The following WDR7 variants were observed in gnomAD, a reference collection of about 807,000 sequenced individuals.
WDR7 encodes the protein WD repeat domain 7, also known as WD repeat-containing protein 7.
WDR7 carries 46 observed loss-of-function variants against 169.4 expected under a neutral mutation model. The ratio of observed to expected loss-of-function variants is 0.27; its 90% confidence interval spans 0.21 to 0.35. WDR7 has a LOEUF of 0.35. WDR7 is among the 10% of genes least tolerant of loss of function. WDR7 has a pLI of 1.00. For synonymous variants in WDR7, 612 were observed against 666.8 expected (o/e 0.92, Z 1.27); for missense variants, 1,534 against 1,859.3 (o/e 0.83, Z 3.22).
intron 14 of WDR7, among the ~76,000 whole-genome samples, chr18:56,731,910 T>C (rs758265936): frequency 2.6e-5 from 4 of 152,224 alleles, no homozygotes; most frequent in Non-Finnish European, 5.9e-5. Context: ...TGTTGAAAGA[T>C]TGAGCACTAG....
chr18:56,967,939 A>T (rs1223713130), intron 26 of WDR7, among the ~76,000 whole-genome samples: 2 of 152,244 alleles, frequency 1.3e-5, no homozygotes, highest in Admixed American at 1.3e-4. Context: ...AAGTCTATAC[A>T]CATTAAATGC....
At chr18:57,033,602 GT>G (rs988771959), downstream of WDR7, 10 of 152,112 alleles carry the variant, frequency 6.6e-5, no homozygotes, top group African/African-American at 2.2e-4. Flanking sequence ...TTAAAAATAA[GT>G]TGTGTGTTCT....
chr18:56,977,978 TCA>T (rs1199665959), intron 26 of WDR7, among the ~76,000 whole-genome samples: 2 of 151,968 alleles, frequency 1.3e-5, no homozygotes, highest in African/African-American at 2.4e-5. Flanking sequence ...CAGCAGTAAC[TCA>T]CACAGATTTA....
chr18:56,989,494 A>G lies in WDR7; in HGVS notation c.4164+26965A>G, dbSNP rs921505998. ...GAGATTTAAAATTCTTCTTAGTACAACTTCTACTCTAATTTGTATGCAATT... is the reference window on the plus strand; with the variant it reads ...GAGATTTAAAATTCTTCTTAGTACAGCTTCTACTCTAATTTGTATGCAATT... On this transcript the variant is annotated intron_variant, in intron 26 of 27. Coordinates refer to ENST00000254442, the MANE Select transcript of WDR7 (RefSeq NM_015285.3). Among the ~76,000 whole-genome samples the G allele has an allele frequency of 4.6e-5, 7 of 152,202 alleles. 1 individual carries two copies. The highest frequency in any genetic ancestry group is 4.6e-4 in the Admixed American group (7 of 15,288).
intron 1 of WDR7, among the ~76,000 whole-genome samples, chr18:56,658,216 G>A (rs1217491903): frequency 6.6e-6 from 1 of 152,088 alleles, no homozygotes; most frequent in Non-Finnish European, 1.5e-5. Flanking sequence ...CAATTTTTCT[G>A]CCTCAGCCTC....
intron 21 of WDR7, among the ~76,000 whole-genome samples, chr18:56,895,117 T>C (rs1159955113): frequency 1.3e-5 from 2 of 151,944 alleles, no homozygotes; most frequent in Non-Finnish European, 2.9e-5. Context: ...TGGTATTATT[T>C]AGCATGGACA....
intron 20 of WDR7, among the ~76,000 whole-genome samples, chr18:56,833,026 ATAACAAACTC>A (rs1198983446): frequency 4.6e-5 from 7 of 152,084 alleles, no homozygotes; most frequent in Non-Finnish European, 8.8e-5. Flanking sequence ...AAGGTGGGTA[ATAACAAACTC>A]CTTGAACCTA....
At chr18:56,927,990 A>G (rs1304293483) in intron 22 of WDR7, among the ~76,000 whole-genome samples, 1 of 152,208 alleles carries the variant, frequency 6.6e-6, no homozygotes, top group Non-Finnish European at 1.5e-5. Flanking sequence ...GAGGGGTTTC[A>G]TTTGGATCTG....
intron 12 of WDR7, among the ~76,000 whole-genome samples, chr18:56,700,546 C>T (rs547193921): frequency 2.2e-5 from 3 of 138,434 alleles, no homozygotes; most frequent in Non-Finnish European, 4.6e-5. Flanking sequence ...TGAGCCACTG[C>T]GCCTGGCCAA....
chr18:56,692,704 A>G (rs138515495), intron 9 of WDR7, among the ~76,000 whole-genome samples: 115 of 152,190 alleles, frequency 7.6e-4, no homozygotes, highest in African/African-American at 2.5e-3. Context: ...TAAAAAATAT[A>G]CATAAGCAAA....
Position 56,871,167 on chromosome 18 carries a change from G to A in WDR7, c.3305-8777G>A, listed in dbSNP as rs367999450. 3.7e-4 allele frequency among the ~76,000 whole-genome samples: 56 copies of A among 152,264 alleles called. 1 individual carries two copies. The highest frequency in any genetic ancestry group is 1.3e-3 in the African/African-American group (56 of 41,562). On this transcript the variant is annotated intron_variant, in intron 20 of 27. Coordinates refer to ENST00000254442, the MANE Select transcript of WDR7 (RefSeq NM_015285.3). ...TGACTATATGCAGACATTGTACATA[G>A]TAAATCGTGTCTTAAGTCTGAAAGT... is the stretch of plus-strand genomic sequence containing the variant.
At chr18:56,895,483 T>A (rs564758558) in intron 21 of WDR7, among the ~76,000 whole-genome samples, 117 of 70,888 alleles carry the variant, frequency 1.7e-3, no homozygotes, top group African/African-American at 3.5e-3. Context: ...TGGATTTTTT[T>A]AAAAATTTTT....
intron 25 of WDR7, among the ~76,000 whole-genome samples, chr18:56,953,526 T>G (rs1163939500): frequency 1.3e-5 from 2 of 152,274 alleles, no homozygotes; most frequent in Non-Finnish European, 2.9e-5. Flanking sequence ...TTCCAATTCA[T>G]TCAATTCTTC....
chr18:57,010,251 G>A (rs1250268596), intron 26 of WDR7: 41 of 985,252 alleles, frequency 4.2e-5, no homozygotes, highest in Non-Finnish European at 4.7e-5. Flanking sequence ...AAAACATTTT[G>A]TGTGACTTTT....
chr18:56,798,742 TTAA>T (rs1451980699), intron 19 of WDR7, among the ~76,000 whole-genome samples: 7 of 152,212 alleles, frequency 4.6e-5, no homozygotes, highest in Non-Finnish European at 8.8e-5. Context: ...AAAAGTTTTC[TTAA>T]TAAATGGATT....
intron 2 of WDR7, among the ~76,000 whole-genome samples, chr18:56,678,981 C>G (rs2025302305): frequency 6.6e-6 from 1 of 152,208 alleles, no homozygotes; most frequent in African/African-American, 2.4e-5. Flanking sequence ...GACACAAGCA[C>G]CCCTGTGTCC....
intron 13 of WDR7, among the ~76,000 whole-genome samples, chr18:56,722,406 C>T (rs2144760957): frequency 6.6e-6 from 1 of 152,222 alleles, no homozygotes; most frequent in South Asian, 2.1e-4. Context: ...TGACCCTTTG[C>T]CAGTAGTATC....
At position 56,888,518 on chromosome 18, in the gene WDR7, C is replaced by T. The variant is rs191605731; in HGVS notation, c.3526+8353C>T. ...GAAATTCATCTCCTTCATCACCTTC[C>T]GATTTTCTTCTCCATGCAGGGATGG... On this transcript the variant is annotated intron_variant, in intron 21 of 27. Transcript: ENST00000254442. 6.4e-4 allele frequency among the ~76,000 whole-genome samples: 97 copies of T among 152,326 alleles called. 2 individuals are homozygous for T. Among genetic ancestry groups the T allele is most frequent in the Middle Eastern group, 6.8e-3 (2 of 294 alleles).
intron 2 of WDR7, among the ~76,000 whole-genome samples, chr18:56,677,286 G>A (rs1373978683): frequency 6.6e-6 from 1 of 152,126 alleles, no homozygotes; most frequent in Non-Finnish European, 1.5e-5. Flanking sequence ...AATATGTCAT[G>A]CCACTCTCCC....
Sources: allele counts gnomAD v4.1 joint callset (sites outside exome capture counted in the v4.1 genomes callset), GRCh38; gene constraint gnomAD v4.1.1; transcripts MANE v1.5; gene names NCBI Gene and HGNC (gene_info 2026-07-23, HGNC 2026-07-21).